GRM8: variants seen among roughly 807,000 people sequenced by gnomAD.
GRM8 encodes the protein metabotropic glutamate receptor 8.
Under a neutral mutation model 87.2 loss-of-function variants are expected in GRM8, and 47 were observed. The observed-to-expected ratio is 0.54, with a 90% CI of 0.43 to 0.69. The LOEUF is 0.69. Ranked by LOEUF, GRM8 falls within the 30% of genes least tolerant of loss-of-function variation. The pLI is 0.00. For synonymous variants in GRM8, 396 were observed against 404.5 expected (o/e 0.98, Z 0.25); for missense variants, 1,019 against 1,139.2 (o/e 0.89, Z 1.52).
At chr7:126,961,717 G>A (rs1171609974) in intron 3 of GRM8, among the ~76,000 whole-genome samples, 1 of 151,814 alleles carries the variant, frequency 6.6e-6, no homozygotes, top group Admixed American at 6.5e-5. Context: ...CCAGGAGCCT[G>A]AAGGAAAGCA....
intron 6 of GRM8, among the ~76,000 whole-genome samples, chr7:126,888,208 C>T (rs565150080): frequency 1.3e-5 from 2 of 152,226 alleles, no homozygotes; most frequent in Admixed American, 1.3e-4. Flanking sequence ...ATTCTGTGCC[C>T]TCAGCCTGCC....
chr7:126,746,614 GT>G (rs891133066), intron 7 of GRM8, among the ~76,000 whole-genome samples: 1 of 151,384 alleles, frequency 6.6e-6, no homozygotes, highest in Non-Finnish European at 1.5e-5. Context: ...AAATTCCCTG[GT>G]TTTGATAATT....
intron 2 of GRM8, among the ~76,000 whole-genome samples, chr7:127,108,392 T>A (rs1484211117): frequency 6.6e-6 from 1 of 152,178 alleles, no homozygotes; most frequent in Non-Finnish European, 1.5e-5. Flanking sequence ...CGAAAATAAG[T>A]CAGCCATCTG....
intron 2 of GRM8, among the ~76,000 whole-genome samples, chr7:127,109,974 C>A (rs543054635): frequency 6.6e-6 from 1 of 152,084 alleles, no homozygotes; most frequent in African/African-American, 2.4e-5. Flanking sequence ...GAGTTTGTCC[C>A]GGAGGCACTA....
chr7:126,446,639 A>T (rs1365145969), intron 9 of GRM8, among the ~76,000 whole-genome samples: 2 of 152,002 alleles, frequency 1.3e-5, no homozygotes, highest in African/African-American at 4.8e-5. Flanking sequence ...TCCTTTTTAG[A>T]TTATAAATAA....
At position 126,595,371 on chromosome 7, in the gene GRM8, G is replaced by GTATTTTATTTTATTTTATTTTATTT. The variant is rs146479444; in HGVS notation, c.1494+13966_1494+13990dup. ...CACACCACCACCCCAGCTAATTCTG[G>GTATTTTATTTTATTTTATTTTATTT]TATTTTATTTTATTTTATTTTATTT... On this transcript the variant is annotated intron_variant, in intron 8 of 10. Coordinates refer to ENST00000339582, the MANE Select transcript of GRM8 (RefSeq NM_000845.3). Among the ~76,000 whole-genome samples, 5 of 133,760 alleles carry GTATTTTATTTTATTTTATTTTATTT rather than the reference G, an allele frequency of 3.7e-5. No individual in the cohort carries two copies. In the South Asian group the frequency reaches 7.6e-4, roughly 20 times the overall value. The allele number at this position is 133,760 out of a possible 152,430, so 87.8% of individuals were successfully genotyped here. A position where few individuals can be genotyped will look rare whatever the true frequency, so the allele number is the denominator to read the frequency against.
At chr7:127,018,935 G>A (rs966612810) in intron 3 of GRM8, among the ~76,000 whole-genome samples, 2 of 151,916 alleles carry the variant, frequency 1.3e-5, no homozygotes, top group African/African-American at 2.4e-5. Flanking sequence ...ACTTTGTTAC[G>A]TGAGAAAAGC....
At chr7:126,475,221 A>G (rs867153509) in intron 9 of GRM8, among the ~76,000 whole-genome samples, 2 of 152,320 alleles carry the variant, frequency 1.3e-5, no homozygotes, top group Middle Eastern at 6.8e-3. Context: ...ATGATTTTAC[A>G]TACAGGAAAA....
intron 6 of GRM8, among the ~76,000 whole-genome samples, chr7:126,892,021 TAAAAAAA>T (rs5887316): frequency 1.1e-5 from 1 of 95,074 alleles, no homozygotes; most frequent in Admixed American, 1.2e-4. Flanking sequence ...TCTTGCAGGG[TAAAAAAA>T]AAAAAAAAAA....
At position 126,499,729 on chromosome 7, in the gene GRM8, G is replaced by A. The variant is rs186734068; in HGVS notation, c.2430+33223C>T. On this transcript the variant is annotated intron_variant, in intron 9 of 10. Transcript: ENST00000339582. The stretch of plus-strand genomic sequence containing the variant: ...TCACTTATGCGTGGAATTTAAAAAC[G>A]TCATAGAAGACAATCTAAAGAACTC... 5.3e-5 allele frequency among the ~76,000 whole-genome samples: 8 copies of A among 151,968 alleles called. No individual in the cohort carries two copies. In the South Asian group the frequency reaches 1.7e-3, roughly 32 times the overall value.
At chr7:126,863,300 T>G (rs985308884) in intron 6 of GRM8, among the ~76,000 whole-genome samples, 13 of 152,192 alleles carry the variant, frequency 8.5e-5, no homozygotes, top group African/African-American at 3.1e-4. Flanking sequence ...TTTATTAAAC[T>G]TATTTCATGG....
intron 3 of GRM8, among the ~76,000 whole-genome samples, chr7:126,997,152 T>TAA (rs57340053): frequency 1.4e-5 from 2 of 146,150 alleles, no homozygotes; most frequent in Non-Finnish European, 1.5e-5. Flanking sequence ...TTTTGTACAC[T>TAA]AAAAAAAAAA....
chr7:126,880,506 G>A (rs911822406), intron 6 of GRM8, among the ~76,000 whole-genome samples: 2 of 152,232 alleles, frequency 1.3e-5, no homozygotes, highest in East Asian at 1.9e-4. Flanking sequence ...AGCTAGAAAT[G>A]AGAATGATGT....
intron 2 of GRM8, among the ~76,000 whole-genome samples, chr7:127,238,133 C>A (rs56041410): frequency 1.3e-5 from 2 of 152,094 alleles, no homozygotes; most frequent in South Asian, 4.1e-4. Flanking sequence ...CCTGAGGTGT[C>A]GTTTATACCT....
intron 3 of GRM8, chr7:127,082,005 G>A (rs1822920719): frequency 6.6e-6 from 1 of 152,250 alleles, no homozygotes; most frequent in African/African-American, 2.4e-5. Context: ...TTTCACCAGA[G>A]TGAGTAGAGA....
chr7:126,743,727 A>T (rs1815297020), intron 7 of GRM8, among the ~76,000 whole-genome samples: 1 of 152,106 alleles, frequency 6.6e-6, no homozygotes, highest in African/African-American at 2.4e-5. Flanking sequence ...TTCTTACTTC[A>T]TACAATAGTA....
chr7:126,673,544 A>G (rs1014136220), intron 7 of GRM8, among the ~76,000 whole-genome samples: 5 of 152,180 alleles, frequency 3.3e-5, no homozygotes, highest in Non-Finnish European at 7.3e-5. Context: ...CCAAGAACAC[A>G]TGGATTCCCA....
chr7:126,704,831 C>T (rs534548344), intron 7 of GRM8, among the ~76,000 whole-genome samples: 16 of 152,218 alleles, frequency 1.1e-4, no homozygotes, highest in Non-Finnish European at 1.6e-4. Flanking sequence ...CAATGGTGCC[C>T]GAAACTTCAT....
intron 3 of GRM8, among the ~76,000 whole-genome samples, chr7:127,059,975 A>C (rs1269415271): frequency 6.6e-6 from 1 of 152,226 alleles, no homozygotes; most frequent in Non-Finnish European, 1.5e-5. Flanking sequence ...ACTTCAGCCC[A>C]GCCAATGATA....
Sources: allele counts gnomAD v4.1 joint callset (sites outside exome capture counted in the v4.1 genomes callset), GRCh38; gene constraint gnomAD v4.1.1; transcripts MANE v1.5; gene names NCBI Gene and HGNC (gene_info 2026-07-23, HGNC 2026-07-21).